GAB1: variants seen among roughly 807,000 people sequenced by gnomAD.
GAB1 encodes the protein GRB2 associated binding protein 1.
Under a neutral mutation model 66.5 loss-of-function variants are expected in GAB1, and 19 were observed. The observed-to-expected ratio is 0.29, with a 90% CI of 0.20 to 0.42. The LOEUF is 0.42. GAB1 is among the 10% of genes least tolerant of loss of function. GAB1 has a pLI of 1.00. For missense variants in GAB1, 732 were observed against 858.5 expected (o/e 0.85, Z 1.84); for synonymous variants, 294 against 301.4 (o/e 0.98, Z 0.25).
intron 1 of GAB1, among the ~76,000 whole-genome samples, chr4:143,368,994 C>T (rs780338526): frequency 2.2e-4 from 33 of 152,056 alleles, no homozygotes; most frequent in Non-Finnish European, 3.7e-4. Context: ...GGCTGGAGTG[C>T]AGTGGCATGA....
At chr4:143,437,343 T>C (rs1733990249) in intron 3 of GAB1, among the ~76,000 whole-genome samples, 1 of 152,208 alleles carries the variant, frequency 6.6e-6, no homozygotes, top group Non-Finnish European at 1.5e-5. Context: ...ATAAATGTAC[T>C]TTAATGAGAT....
intron 6 of GAB1, among the ~76,000 whole-genome samples, chr4:143,444,012 T>G (rs968010887): frequency 6.6e-6 from 1 of 152,230 alleles, no homozygotes; most frequent in Non-Finnish European, 1.5e-5. Flanking sequence ...TTGTGTGTAT[T>G]AAGAGAAACG....
intron 6 of GAB1, among the ~76,000 whole-genome samples, chr4:143,458,401 A>G (rs1224508840): frequency 6.6e-6 from 1 of 152,094 alleles, no homozygotes; most frequent in African/African-American, 2.4e-5. Context: ...TTATAGTGTA[A>G]TGGTAACTAT....
intron 6 of GAB1, among the ~76,000 whole-genome samples, chr4:143,451,038 T>TCCCCTGAAGAAGCTCACCGTCCAGGA (rs1052384694): frequency 2.0e-5 from 3 of 152,126 alleles, no homozygotes; most frequent in Non-Finnish European, 2.9e-5. Context: ...AAAAGGTTGC[T>TCCCCTGAAGAAGCTCACCGTCCAGGA]CCCCTGAAGA....
At chr4:143,369,230 C>A (rs754858412) in intron 1 of GAB1, among the ~76,000 whole-genome samples, 1 of 152,044 alleles carries the variant, frequency 6.6e-6, no homozygotes, top group African/African-American at 2.4e-5. Flanking sequence ...TATGAGCCAC[C>A]GCACCCGGCC....
intron 1 of GAB1, chr4:143,349,968 G>A (rs1729132192): frequency 1.9e-6 from 3 of 1,587,370 alleles, no homozygotes; most frequent in Non-Finnish European, 1.7e-6. Context: ...CCAACTTGGT[G>A]ACGGGCATCC....
rs137872067 is a variant in GAB1, at chr4:143,425,416, T to A, written c.368-8075T>A. Reference sequence around the variant, plus strand: ...GGGAGCCATGGCTTCTTGTGGTTACTGACCCCAGGGCTGAAGACCAGCCTC... The same window carrying A: ...GGGAGCCATGGCTTCTTGTGGTTACAGACCCCAGGGCTGAAGACCAGCCTC... On this transcript the variant is annotated intron_variant, in intron 2 of 9. Transcript: ENST00000262994. 133 of 759,310 alleles carry A rather than the reference T, an allele frequency of 1.8e-4. No individual in the cohort carries two copies. The East Asian group carries it at 3.2e-3, about 18-fold the overall frequency. 47.0% of individuals were successfully genotyped at this position (759,310 alleles called of 1,614,324 possible). A position where few individuals can be genotyped will look rare whatever the true frequency, so the allele number is the denominator to read the frequency against.
At chr4:143,445,552 G>A (rs982862949) in intron 6 of GAB1, among the ~76,000 whole-genome samples, 2 of 152,072 alleles carry the variant, frequency 1.3e-5, no homozygotes, top group Admixed American at 6.5e-5. Flanking sequence ...TGTTTACTCT[G>A]TTGATAGTTT....
chr4:143,407,554 G>T (rs1239385896), intron 1 of GAB1, among the ~76,000 whole-genome samples: 2 of 152,074 alleles, frequency 1.3e-5, no homozygotes, highest in Non-Finnish European at 2.9e-5. Flanking sequence ...GCATTGTTCT[G>T]CATTATTTTC....
intron 1 of GAB1, among the ~76,000 whole-genome samples, chr4:143,407,764 G>A (rs1186258669): frequency 6.6e-6 from 1 of 152,082 alleles, no homozygotes; most frequent in Non-Finnish European, 1.5e-5. Flanking sequence ...AAAAGATGGT[G>A]CTTCCTGGAA....
chr4:143,444,711 A>G (rs898471602), intron 6 of GAB1, among the ~76,000 whole-genome samples: 3 of 152,044 alleles, frequency 2.0e-5, no homozygotes, highest in African/African-American at 7.2e-5. Flanking sequence ...TGATCCTGTC[A>G]CTCAGGAACT....
intron 1 of GAB1, among the ~76,000 whole-genome samples, chr4:143,350,818 A>G (rs919704430): frequency 6.6e-6 from 1 of 152,170 alleles, no homozygotes; most frequent in African/African-American, 2.4e-5. Flanking sequence ...AATGTGTTCT[A>G]TGAGCTGTTT....
intron 1 of GAB1, among the ~76,000 whole-genome samples, chr4:143,405,231 A>G (rs1163362199): frequency 6.6e-6 from 1 of 151,906 alleles, no homozygotes; most frequent in Non-Finnish European, 1.5e-5. Flanking sequence ...ATGGATATAT[A>G]GAGAGAGAGA....
In GAB1 at chr4:143,439,842, T is replaced by A. The variant is rs755718051; in HGVS notation, c.1236T>A (p.Phe412Leu). ...SQDCYDIPRA[F>L]PSDRSSSLEG... Reference sequence around the variant, plus strand: ...ACTGCTATGATATTCCACGAGCATTTCCAAGTGATAGATCTAGTTCACTTG... The same window carrying A: ...ACTGCTATGATATTCCACGAGCATTACCAAGTGATAGATCTAGTTCACTTG... Residue 412 changes from phenylalanine to leucine, a missense_variant, in exon 5 of 10, where the codon TTT becomes TTA. Phe to Leu is a conservative substitution (Grantham distance 22). Around this residue, in one of 4 missense-constraint regions of GAB1, gnomAD observed 427 missense variants for 420.6 expected, o/e 1.02. Transcript: ENST00000262994. The A allele has an allele frequency of 6.2e-7, 1 of 1,613,686 alleles. No homozygotes were observed. Among genetic ancestry groups the A allele is most frequent in the Non-Finnish European group, 8.5e-7 (1 of 1,179,662 alleles).
chr4:143,374,895 A>G, intron 1 of GAB1, among the ~76,000 whole-genome samples: 1 of 152,248 alleles, frequency 6.6e-6, no homozygotes. Context: ...GAAAGAATCC[A>G]GAATGACTTG....
At chr4:143,436,261 G>A (rs1376957913) in intron 3 of GAB1, among the ~76,000 whole-genome samples, 1 of 152,150 alleles carries the variant, frequency 6.6e-6, no homozygotes, top group Non-Finnish European at 1.5e-5. Flanking sequence ...CAAGCATGGT[G>A]GGAGGAAGAT....
chr4:143,343,452 C>A (rs969396569), intron 1 of GAB1: 1 of 154,728 alleles, frequency 6.5e-6, no homozygotes, highest in Non-Finnish European at 1.5e-5. Flanking sequence ...AGCCCCTGTG[C>A]AATGCCTGGC....
intron 6 of GAB1, among the ~76,000 whole-genome samples, chr4:143,454,253 A>G (rs1322014662): frequency 1.3e-5 from 2 of 152,202 alleles, no homozygotes; most frequent in African/African-American, 2.4e-5. Context: ...TTGTCTGTAA[A>G]ATCATTGCTA....
chr4:143,398,850 A>G (rs1402684948), intron 1 of GAB1, among the ~76,000 whole-genome samples: 3 of 152,144 alleles, frequency 2.0e-5, no homozygotes, highest in Non-Finnish European at 4.4e-5. Context: ...GTTTGAGCTC[A>G]GGAGTTCGAG....
Sources: gnomAD v4.1 joint callset for allele counts (sites outside exome capture counted in the v4.1 genomes callset) on GRCh38, gnomAD v4.1.1 for gene constraint, gnomAD v4.1.1 regional missense constraint, MANE v1.5 for transcripts, NCBI Gene and HGNC (gene_info 2026-07-23, HGNC 2026-07-21) for gene names.